ROBO2: variants seen among roughly 807,000 people sequenced by gnomAD.
The protein encoded by ROBO2 is roundabout homolog 2.
In ROBO2, 53 loss-of-function variants were observed where a neutral mutation model predicts 160.8. That is an observed-to-expected ratio of 0.33 (90% CI 0.26 to 0.41). The LOEUF (loss-of-function observed/expected upper bound fraction) is 0.41. Ranked by LOEUF, ROBO2 falls within the 10% of genes least tolerant of loss-of-function variation. The pLI is 1.00. For synonymous variants in ROBO2, 664 were observed against 611.7 expected (o/e 1.09, Z -1.26); for missense variants, 1,577 against 1,722.4 (o/e 0.92, Z 1.49).
At chr3:75,950,976 A>C (rs1948512183) in intron 2 of ROBO2, among the ~76,000 whole-genome samples, 2 of 152,094 alleles carry the variant, frequency 1.3e-5, no homozygotes, top group African/African-American at 4.8e-5. Flanking sequence ...ATATATAAAT[A>C]GCTCAAATTC....
At chr3:77,644,071 G>A (rs1022176908) in intron 24 of ROBO2, among the ~76,000 whole-genome samples, 1 of 151,884 alleles carries the variant, frequency 6.6e-6, no homozygotes, top group Non-Finnish European at 1.5e-5. Context: ...GAACTATTGA[G>A]TGATTATTTG....
intron 1 of ROBO2, among the ~76,000 whole-genome samples, chr3:75,921,485 C>G (rs1470813330): frequency 3.3e-5 from 5 of 152,072 alleles, no homozygotes; most frequent in Non-Finnish European, 7.4e-5. Flanking sequence ...CTTCCAGCTT[C>G]ACACACAGTT....
rs558213889 is a variant in ROBO2 at position 77,295,483 on chromosome 3, C to T, written c.389-181931C>T. Among the ~76,000 whole-genome samples the T allele has an allele frequency of 7.3e-4, 109 of 149,908 alleles. 8 individuals are homozygous for T. Among genetic ancestry groups the T allele is most frequent in the African/African-American group, 2.6e-3 (103 of 40,220 alleles). On this transcript the variant is annotated intron_variant, in intron 2 of 25. Coordinates refer to ENST00000461745, the Ensembl canonical transcript of ROBO2. ...TAAAATTGACGGTTAAATGGGTAAG[C>T]TGAGGCTAGATCACCCCAGACATAA...
chr3:76,648,784 ATATCT>A (rs570013579), intron 2 of ROBO2, among the ~76,000 whole-genome samples: 232 of 152,248 alleles, frequency 1.5e-3, no homozygotes, highest in South Asian at 7.2e-3. Flanking sequence ...TAAAGAATAA[ATATCT>A]TATAATAAGA....
intron 1 of ROBO2, among the ~76,000 whole-genome samples, chr3:77,043,962 C>A (rs892137721): frequency 6.6e-6 from 1 of 152,008 alleles, no homozygotes; most frequent in Non-Finnish European, 1.5e-5. Context: ...TGCTAAAGTG[C>A]TCTTTTTCAG....
intron 2 of ROBO2, among the ~76,000 whole-genome samples, chr3:77,350,325 C>T (rs2068185200): frequency 6.6e-6 from 1 of 151,980 alleles, no homozygotes; most frequent in Non-Finnish European, 1.5e-5. Context: ...CTCTGCACTC[C>T]AGCTTGGGTG....
At chr3:76,377,436 C>A (rs1434499809) in intron 2 of ROBO2, among the ~76,000 whole-genome samples, 1 of 152,026 alleles carries the variant, frequency 6.6e-6, no homozygotes, top group East Asian at 1.9e-4. Flanking sequence ...AAGAGTCCTG[C>A]ACACAGAAAA....
At chr3:76,463,846 G>C (rs2078225289) in intron 2 of ROBO2, among the ~76,000 whole-genome samples, 1 of 152,176 alleles carries the variant, frequency 6.6e-6, no homozygotes, top group Admixed American at 6.6e-5. Context: ...GAAAGTCTTT[G>C]CCATGTCCCA....
At chr3:76,891,142 C>G (rs2074315949) in intron 2 of ROBO2, among the ~76,000 whole-genome samples, 1 of 152,008 alleles carries the variant, frequency 6.6e-6, no homozygotes, top group Non-Finnish European at 1.5e-5. Flanking sequence ...ATCGAACTAT[C>G]TTTACATTTC....
intron 2 of ROBO2, among the ~76,000 whole-genome samples, chr3:76,108,865 TATTG>T: frequency 6.6e-6 from 1 of 151,538 alleles, no homozygotes. Context: ...ATATCTATTT[TATTG>T]ATTTTAGTTA....
At chr3:76,293,977 G>T (rs1425648123) in intron 2 of ROBO2, among the ~76,000 whole-genome samples, 1 of 152,082 alleles carries the variant, frequency 6.6e-6, no homozygotes, top group African/African-American at 2.4e-5. Flanking sequence ...CACCACCCTC[G>T]GTCCCCACTC....
At chr3:77,020,451 G>A (rs181501576) in intron 2 of ROBO2, among the ~76,000 whole-genome samples, 1 of 152,150 alleles carries the variant, frequency 6.6e-6, no homozygotes, top group Admixed American at 6.5e-5. Context: ...CAGTAAATCG[G>A]TCTATTTAAG....
chr3:77,130,209 C>T (rs1224929869), intron 2 of ROBO2, among the ~76,000 whole-genome samples: 2 of 152,092 alleles, frequency 1.3e-5, no homozygotes, highest in Admixed American at 1.3e-4. Context: ...CCGGCCACTG[C>T]ACTCCTCATC....
chr3:76,633,188 C>A (rs2090128595), intron 2 of ROBO2, among the ~76,000 whole-genome samples: 1 of 152,000 alleles, frequency 6.6e-6, no homozygotes, highest in Non-Finnish European at 1.5e-5. Flanking sequence ...TTTATTATAT[C>A]AAAATTTAAA....
At chr3:75,996,039 G>T (rs2065717681) in intron 2 of ROBO2, among the ~76,000 whole-genome samples, 1 of 152,142 alleles carries the variant, frequency 6.6e-6, no homozygotes, top group African/African-American at 2.4e-5. Context: ...GAAGGGAACT[G>T]CCTTGTCTCA....
intron 2 of ROBO2, among the ~76,000 whole-genome samples, chr3:76,066,908 GTTATC>G (rs1178219636): frequency 1.3e-5 from 2 of 152,126 alleles, no homozygotes; most frequent in Admixed American, 6.6e-5. Context: ...GAATCTGGCT[GTTATC>G]TTCTTGACTG....
intron 1 of ROBO2, among the ~76,000 whole-genome samples, chr3:75,932,119 G>A (rs1011820245): frequency 1.3e-5 from 2 of 152,068 alleles, no homozygotes; most frequent in East Asian, 3.9e-4. Flanking sequence ...AGTGTAAGCA[G>A]GAGTGGTTTT....
At chr3:76,152,503 A>T (rs1360721151) in intron 2 of ROBO2, among the ~76,000 whole-genome samples, 9 of 152,068 alleles carry the variant, frequency 5.9e-5, no homozygotes, top group Admixed American at 3.3e-4. Flanking sequence ...TAATATATGT[A>T]TTTTTTTCAA....
intron 1 of ROBO2, among the ~76,000 whole-genome samples, chr3:75,934,510 G>A (rs1159142807): frequency 1.3e-5 from 2 of 152,030 alleles, no homozygotes; most frequent in African/African-American, 4.8e-5. Flanking sequence ...TTTTTTAAAT[G>A]AATTGAGTTT....
Sources: gnomAD v4.1 joint callset for allele counts (sites outside exome capture counted in the v4.1 genomes callset) on GRCh38, gnomAD v4.1.1 for gene constraint, MANE v1.5 for transcripts, NCBI Gene and HGNC (gene_info 2026-07-23, HGNC 2026-07-21) for gene names.